The following UBL3 variants were observed in gnomAD, a reference collection of about 807,000 sequenced individuals.
The protein encoded by UBL3 is ubiquitin like 3.
UBL3 carries 6 observed loss-of-function variants against 18.4 expected under a neutral mutation model. The ratio of observed to expected loss-of-function variants is 0.33; its 90% confidence interval spans 0.18 to 0.64. UBL3 has a LOEUF of 0.64. UBL3 is among the 30% of genes least tolerant of loss of function. The pLI is 0.76. For missense variants in UBL3, 109 were observed against 142.9 expected, an observed-to-expected ratio of 0.76 and a Z score of 1.21; for synonymous variants, 49 against 46.6, an observed-to-expected ratio of 1.05 and a Z score of -0.21.
intron 1 of UBL3, among the ~76,000 whole-genome samples, chr13:29,847,867 C>T (rs982650502): frequency 6.6e-6 from 1 of 152,118 alleles, no homozygotes; most frequent in Non-Finnish European, 1.5e-5. Context: ...TCCAGCCGTA[C>T]TTAACCAGGC....
At chr13:29,817,590 T>G (rs1878318710) in intron 1 of UBL3, among the ~76,000 whole-genome samples, 1 of 152,156 alleles carries the variant, frequency 6.6e-6, no homozygotes, top group African/African-American at 2.4e-5. Context: ...GGTTTTCTAT[T>G]TTTTTCAATG....
At chr13:29,798,219 T>A (rs1202138672) in intron 1 of UBL3, among the ~76,000 whole-genome samples, 2 of 151,874 alleles carry the variant, frequency 1.3e-5, no homozygotes, top group Non-Finnish European at 2.9e-5. Context: ...AGAGACGGGG[T>A]TTCACCATGT....
chr13:29,839,998 T>G (rs1231677356), intron 1 of UBL3, among the ~76,000 whole-genome samples: 1 of 150,980 alleles, frequency 6.6e-6, no homozygotes, highest in Non-Finnish European at 1.5e-5. Context: ...AGTACTCATC[T>G]CAAAAAACTT....
At chr13:29,784,485 C>T (rs1309972376) in intron 1 of UBL3, among the ~76,000 whole-genome samples, 1 of 151,628 alleles carries the variant, frequency 6.6e-6, no homozygotes, top group Non-Finnish European at 1.5e-5. Context: ...TTCTACTGCT[C>T]ATTCCTGCCT....
At position 29,783,722 on chromosome 13, in the gene UBL3, T is replaced by C. The variant is rs560528330; in HGVS notation, c.28-6459A>G. 3.9e-5 allele frequency among the ~76,000 whole-genome samples: 6 copies of C among 152,290 alleles called. No individual in the cohort carries two copies. The South Asian group carries it at 1.2e-3, about 32-fold the overall frequency. ...CTTAAATATTTATTAGTGAAAGGCCTTTTTACTTCTTTGAAGCCAAGCTAA... is the reference window on the plus strand; with the variant it reads ...CTTAAATATTTATTAGTGAAAGGCCCTTTTACTTCTTTGAAGCCAAGCTAA... On this transcript the variant is annotated intron_variant, in intron 1 of 4. Coordinates refer to ENST00000380680, the MANE Select transcript of UBL3 (RefSeq NM_007106.4).
chr13:29,801,695 T>C (rs1052740795), intron 1 of UBL3, among the ~76,000 whole-genome samples: 1 of 152,180 alleles, frequency 6.6e-6, no homozygotes, highest in African/African-American at 2.4e-5. Context: ...GTGCTTTAAC[T>C]ATACCTTTAG....
At chr13:29,813,761 T>C (rs1565996716) in intron 1 of UBL3, among the ~76,000 whole-genome samples, 1 of 152,058 alleles carries the variant, frequency 6.6e-6, no homozygotes. Context: ...GAACAAATCC[T>C]TCCCTCATAC....
intron 1 of UBL3, among the ~76,000 whole-genome samples, chr13:29,792,740 T>C (rs1313464079): frequency 1.3e-5 from 2 of 152,132 alleles, no homozygotes; most frequent in Admixed American, 6.5e-5. Flanking sequence ...TAATAGTTAT[T>C]AATTAAATTT....
In UBL3 at chr13:29,765,792, T is replaced by C. The variant is rs1331386003; in HGVS notation, c.*1463A>G. 6.6e-6 allele frequency: 1 copy of C among 152,580 alleles called. No individual in the cohort carries two copies. The highest frequency in any genetic ancestry group is 1.5e-5 in the Non-Finnish European group (1 of 67,976). 9.5% of individuals were successfully genotyped at this position (152,580 alleles called of 1,614,324 possible). On this transcript the variant is annotated 3_prime_UTR_variant, in exon 5 of 5. Coordinates refer to ENST00000380680, the MANE Select transcript of UBL3 (RefSeq NM_007106.4). ...CATATAAAGCCTTTTCATCAAAGCA[T>C]TAACAATGAATAAAATAACATGATT...
chr13:29,831,847 C>A (rs1878783829), intron 1 of UBL3, among the ~76,000 whole-genome samples: 1 of 152,182 alleles, frequency 6.6e-6, no homozygotes, highest in Non-Finnish European at 1.5e-5. Flanking sequence ...AGTCAAAGAT[C>A]TTTTTAGTCC....
intron 1 of UBL3, among the ~76,000 whole-genome samples, chr13:29,832,978 T>A (rs1226036564): frequency 1.3e-5 from 2 of 152,120 alleles, no homozygotes. Flanking sequence ...CTGCAAAGGA[T>A]GAGAGAGAAG....
At chr13:29,797,943 G>A (rs1156531204) in intron 1 of UBL3, among the ~76,000 whole-genome samples, 2 of 151,450 alleles carry the variant, frequency 1.3e-5, no homozygotes, top group Non-Finnish European at 2.9e-5. Context: ...CTATTCCTCT[G>A]TCTTTGCTTC....
intron 1 of UBL3, among the ~76,000 whole-genome samples, chr13:29,803,494 C>T (rs1472978705): frequency 1.3e-5 from 2 of 151,718 alleles, no homozygotes; most frequent in African/African-American, 2.4e-5. Flanking sequence ...AGTGGCAGGC[C>T]GGATAAAGAA....
chr13:29,842,304 C>G (rs561798594), intron 1 of UBL3, among the ~76,000 whole-genome samples: 6 of 152,126 alleles, frequency 3.9e-5, no homozygotes, highest in African/African-American at 1.4e-4. Flanking sequence ...ATTACAGACG[C>G]CTGCCACAAT....
At chr13:29,776,683 C>T (rs562535997) in intron 2 of UBL3, among the ~76,000 whole-genome samples, 5 of 151,766 alleles carry the variant, frequency 3.3e-5, no homozygotes, top group Middle Eastern at 3.4e-3. Context: ...CCATCCTGGC[C>T]GACATGGTGA....
chr13:29,809,878 A>G (rs1219228165), intron 1 of UBL3, among the ~76,000 whole-genome samples: 2 of 152,126 alleles, frequency 1.3e-5, no homozygotes, highest in Non-Finnish European at 2.9e-5. Context: ...ACTCTAAATT[A>G]CTTTTAATAC....
intron 1 of UBL3, among the ~76,000 whole-genome samples, chr13:29,781,454 C>T (rs912997680): frequency 3.3e-5 from 5 of 151,994 alleles, no homozygotes; most frequent in Non-Finnish European, 7.4e-5. Context: ...CAGGATATTC[C>T]TAATAAACTA....
chr13:29,825,803 G>T (rs1309767333), intron 1 of UBL3, among the ~76,000 whole-genome samples: 1 of 152,282 alleles, frequency 6.6e-6, no homozygotes, highest in Admixed American at 6.5e-5. Context: ...TCCAGTTTTT[G>T]CCCATTCAGT....
chr13:29,814,604 A>ATAAT (rs1878219344), intron 1 of UBL3, among the ~76,000 whole-genome samples: 1 of 152,170 alleles, frequency 6.6e-6, no homozygotes, highest in Non-Finnish European at 1.5e-5. Context: ...CCCAAGATGT[A>ATAAT]AGGGCCTATT....
Sources: allele counts gnomAD v4.1 joint callset (sites outside exome capture counted in the v4.1 genomes callset), GRCh38; gene constraint gnomAD v4.1.1; transcripts MANE v1.5; gene names NCBI Gene and HGNC (gene_info 2026-07-23, HGNC 2026-07-21).